Variants in ZMYND8 observed in about 807,000 individuals in gnomAD.
ZMYND8 encodes zinc finger MYND-type containing 8.
In ZMYND8, 37 loss-of-function variants were observed where a neutral mutation model predicts 140.8. The observed-to-expected ratio is 0.26, with a 90% CI of 0.20 to 0.35. ZMYND8 has a LOEUF of 0.35. ZMYND8 is among the 10% of genes least tolerant of loss of function. The probability of loss-of-function intolerance (pLI) is 1.00; values close to 1 mark genes in which losing one functional copy is unlikely to be tolerated. For missense variants in ZMYND8, 1,068 were observed against 1,570.0 expected, an observed-to-expected ratio of 0.68 and a Z score of 5.40; for synonymous variants, 592 against 597.1, an observed-to-expected ratio of 0.99 and a Z score of 0.12.
At chr20:47,283,844 C>A (rs1444013769) in intron 8 of ZMYND8, among the ~76,000 whole-genome samples, 196 bp from the exon 9 acceptor site, 1 of 152,102 alleles carries the variant, frequency 6.6e-6, no homozygotes, top group East Asian at 1.9e-4. Flanking sequence ...CTCTCTGGAC[C>A]AATGCAACAG....
chr20:47,266,145 T>C (rs2075504974), intron 11 of ZMYND8, among the ~76,000 whole-genome samples: 1 of 152,280 alleles, frequency 6.6e-6, no homozygotes, highest in Admixed American at 6.5e-5. Context: ...CACCTCCTAG[T>C]GCCACCAATC....
At chr20:47,297,930 C>T (rs550882620) in intron 4 of ZMYND8, among the ~76,000 whole-genome samples, 39 of 152,324 alleles carry the variant, frequency 2.6e-4, no homozygotes, top group Non-Finnish European at 8.8e-5. Context: ...GCCCCGACTA[C>T]GCCCATGCAC....
At chr20:47,314,424 A>G (rs536537658) in intron 2 of ZMYND8, among the ~76,000 whole-genome samples, 10 of 152,260 alleles carry the variant, frequency 6.6e-5, no homozygotes, top group Non-Finnish European at 1.3e-4. Flanking sequence ...ACTTGGCGCC[A>G]GGAGGCAGAG....
rs147264350 is a variant in ZMYND8 at position 47,290,763 on chromosome 20, G to A, written c.661-489C>T. Among the ~76,000 whole-genome samples the A allele has an allele frequency of 1.7e-3, 261 of 151,648 alleles. 7 individuals are homozygous for A. The East Asian group carries it at 0.045, about 26-fold the overall frequency. On this transcript the variant is annotated intron_variant, in intron 6 of 22. Transcript: ENST00000471951. The stretch of plus-strand genomic sequence containing the variant: ...TGTGCTACCATGCCCAGCTCATTTT[G>A]TATTTTTAGTAGAGACGGGGTTTCT...
chr20:47,267,014 A>G (rs989538704), intron 11 of ZMYND8, among the ~76,000 whole-genome samples: 10 of 152,226 alleles, frequency 6.6e-5, no homozygotes, highest in African/African-American at 2.4e-4. Context: ...CTGACTGTCC[A>G]TCAATGGACA....
chr20:47,211,033 T>G, intron 22 of ZMYND8, 136 bp from the exon 23 acceptor site: 1 of 1,194,990 alleles, frequency 8.4e-7, no homozygotes. Context: ...CTGCCACCGC[T>G]GACTGCCCTG....
chr20:47,323,180 G>A (rs1385134998), intron 2 of ZMYND8, among the ~76,000 whole-genome samples: 1 of 152,146 alleles, frequency 6.6e-6, no homozygotes, highest in African/African-American at 2.4e-5. Flanking sequence ...CTCCTGGGGG[G>A]AAGAGGGGGC....
At chr20:47,285,436 C>T (rs555914806) in intron 8 of ZMYND8, among the ~76,000 whole-genome samples, 2 of 152,204 alleles carry the variant, frequency 1.3e-5, no homozygotes, top group African/African-American at 4.8e-5. Flanking sequence ...TCCAAAGGAA[C>T]ATATCCAAAA....
chr20:47,351,290 G>A (rs917474248), intron 1 of ZMYND8, among the ~76,000 whole-genome samples: 1 of 151,994 alleles, frequency 6.6e-6, no homozygotes, highest in Non-Finnish European at 1.5e-5. Context: ...TTCCAAGAGA[G>A]AGAAAAAAGA....
intron 2 of ZMYND8, chr20:47,318,767 A>T: frequency 2.1e-6 from 1 of 485,674 alleles, no homozygotes; most frequent in Non-Finnish European, 3.9e-6. Flanking sequence ...GTGCTTATAA[A>T]GAATCTCTGC....
chr20:47,311,819 G>A (rs954704714), intron 2 of ZMYND8, among the ~76,000 whole-genome samples: 13 of 151,590 alleles, frequency 8.6e-5, no homozygotes, highest in Admixed American at 5.3e-4. Context: ...GTAGTGAGCC[G>A]AGATCACACC....
chr20:47,334,644 C>G (rs949485196), intron 2 of ZMYND8, among the ~76,000 whole-genome samples: 3 of 150,850 alleles, frequency 2.0e-5, no homozygotes, highest in African/African-American at 7.3e-5. Context: ...CAGTCTTGCT[C>G]TGTCACCCGG....
At chr20:47,262,478 G>C (rs1275712993) in intron 11 of ZMYND8, 50 bp from the exon 12 acceptor site, 2 of 1,610,210 alleles carry the variant, frequency 1.2e-6, no homozygotes, top group East Asian at 2.2e-5. Context: ...TAAACAAGTA[G>C]AACGTGTAGG....
At chr20:47,238,476 G>A in intron 15 of ZMYND8, 1 of 518,906 alleles carries the variant, frequency 1.9e-6, no homozygotes, top group East Asian at 3.7e-5. Context: ...AAGGTAAACG[G>A]GATAACAGAC....
At chr20:47,252,696 A>G (rs1490114063) in intron 12 of ZMYND8, among the ~76,000 whole-genome samples, 3 of 152,186 alleles carry the variant, frequency 2.0e-5, no homozygotes, top group Non-Finnish European at 4.4e-5. Context: ...TGAGGTGGGC[A>G]GTTCCCTTGA....
chr20:47,234,371 C>G, intron 16 of ZMYND8, among the ~76,000 whole-genome samples: 1 of 152,206 alleles, frequency 6.6e-6, no homozygotes, highest in South Asian at 2.1e-4. Flanking sequence ...TTTGATGAAG[C>G]AAGCTGCCAT....
At chr20:47,306,186 G>A (rs1272340401) in intron 3 of ZMYND8, among the ~76,000 whole-genome samples, 2 of 152,094 alleles carry the variant, frequency 1.3e-5, no homozygotes, top group Non-Finnish European at 2.9e-5. Flanking sequence ...CCAGGAGTTC[G>A]AGACCAACCA....
At chr20:47,313,632 T>TAAA (rs2079139072) in intron 2 of ZMYND8, among the ~76,000 whole-genome samples, 1 of 146,988 alleles carries the variant, frequency 6.8e-6, no homozygotes, top group Non-Finnish European at 1.5e-5. Flanking sequence ...CTCAAAAAAA[T>TAAA]AATAATAATA....
rs756565514 is a variant in ZMYND8, at chr20:47,239,070, G to A, written c.2353C>T (p.Arg785Cys). Residue 785 changes from arginine (R) to cysteine (C), a missense_variant, in exon 15 of 23, where the codon CGC (arginine) becomes TGC (cysteine). Transcript: ENST00000471951. Reference protein sequence around the residue: ...HSPPETPVLTRSSAQTSAAGA... With the variant: ...HSPPETPVLTCSSAQTSAAGA... Reference sequence around the variant, plus strand: ...GCCGCGGAAGTTTGGGCGGAAGAGCGGGTGAGCACCGGTGTTTCCGGGGGA... The same window carrying A: ...GCCGCGGAAGTTTGGGCGGAAGAGCAGGTGAGCACCGGTGTTTCCGGGGGA... 1 of 1,555,778 alleles carries A rather than the reference G, an allele frequency of 6.4e-7. No individual in the cohort carries two copies. The highest frequency in any genetic ancestry group is 2.3e-5 in the East Asian group (1 of 44,310).
Sources: allele counts gnomAD v4.1 joint callset (sites outside exome capture counted in the v4.1 genomes callset), GRCh38; gene constraint gnomAD v4.1.1; transcripts MANE v1.5; gene names NCBI Gene and HGNC (gene_info 2026-07-23, HGNC 2026-07-21).